The following TLL1 variants were observed in gnomAD, a reference collection of about 807,000 sequenced individuals.
TLL1 encodes the protein tolloid-like protein 1.
A neutral mutation model predicts 128.2 loss-of-function variants in TLL1; 49 were observed. The ratio of observed to expected loss-of-function variants is 0.38; its 90% CI spans 0.30 to 0.48. TLL1 has a LOEUF of 0.48. Among genes scored for constraint, TLL1 ranks in the 20% least tolerant of loss-of-function variants. The pLI is 0.96. For missense variants in TLL1, 1,123 were observed against 1,242.0 expected (o/e 0.90, Z 1.44); for synonymous variants, 454 against 418.8 (o/e 1.08, Z -1.03).
At chr4:165,960,865 C>T (rs1323062795) in intron 1 of TLL1, among the ~76,000 whole-genome samples, 1 of 151,980 alleles carries the variant, frequency 6.6e-6, no homozygotes, top group Non-Finnish European at 1.5e-5. Flanking sequence ...ACTGAACAGG[C>T]CATACTGAAC....
At chr4:166,098,365 C>T (rs1027904452) in intron 19 of TLL1, among the ~76,000 whole-genome samples, 18 of 140,166 alleles carry the variant, frequency 1.3e-4, no homozygotes, top group African/African-American at 4.7e-4. Flanking sequence ...AGCTTTGGGG[C>T]TCTGACTACA....
chr4:166,064,204 G>A (rs1015131581), intron 15 of TLL1, among the ~76,000 whole-genome samples: 1 of 151,858 alleles, frequency 6.6e-6, no homozygotes, highest in African/African-American at 2.4e-5. Flanking sequence ...TTTTTAGAGA[G>A]GTTTTTCTTT....
chr4:166,018,020 C>T (rs77280442), intron 8 of TLL1, among the ~76,000 whole-genome samples: 2,371 of 152,194 alleles, frequency 0.016, 67 homozygotes, highest in African/African-American at 0.053. Context: ...TAGGGTGACT[C>T]ATCTGTGAAC....
rs761482345 is a variant in TLL1 at position 166,003,538 on chromosome 4, C to T, written c.780C>T (p.His260=). The change falls in exon 6 of 21, where the codon CAC becomes CAT. Residue 260 remains histidine (H), a synonymous_variant. Transcript: ENST00000061240. ...ACACAAGACCAGATCGAGATAACCA[C>T]GTAACTATCATAAGAGAAAACATCC... is the stretch of plus-strand genomic sequence containing the variant. The part of the protein sequence containing the change: ...HEHTRPDRDN[H]VTIIRENIQP... 9.9e-6 allele frequency: 16 copies of T among 1,613,824 alleles called. No homozygotes were observed. Among genetic ancestry groups the T allele is most frequent in the African/African-American group, 2.7e-5 (2 of 74,892 alleles).
chr4:165,959,749 A>G (rs1412806936), intron 1 of TLL1, among the ~76,000 whole-genome samples: 3 of 152,182 alleles, frequency 2.0e-5, no homozygotes, highest in Non-Finnish European at 4.4e-5. Flanking sequence ...GACTTGGATG[A>G]AACACACAAT....
At chr4:166,087,666 T>A (rs1218798303) in intron 18 of TLL1, among the ~76,000 whole-genome samples, 1 of 152,168 alleles carries the variant, frequency 6.6e-6, no homozygotes, top group Admixed American at 6.6e-5. Context: ...TTTGTGAATA[T>A]ATGCAGTTAC....
intron 17 of TLL1, among the ~76,000 whole-genome samples, chr4:166,076,842 A>C (rs764450081): frequency 2.0e-5 from 3 of 152,172 alleles, no homozygotes; most frequent in Non-Finnish European, 2.9e-5. Context: ...TTGCAAATAC[A>C]AATCTCCCTG....
rs952487225 is a variant in TLL1, at chr4:165,878,975, C to G, written c.169+4902C>G. 1.3e-4 allele frequency among the ~76,000 whole-genome samples: 17 copies of G among 129,382 alleles called. No individual in the cohort carries two copies. In the Admixed American group the frequency reaches 1.5e-3, roughly 11 times the overall value. The allele number at this position is 129,382 out of a possible 152,430, so 84.9% of individuals were successfully genotyped here. ...CTGAGACAGGACCTCACTCTGTCACCAGGCTGGAGTGCAGTGGCACAATCT... is the reference window on the plus strand; with the variant it reads ...CTGAGACAGGACCTCACTCTGTCACGAGGCTGGAGTGCAGTGGCACAATCT... On this transcript the variant is annotated intron_variant, in intron 1 of 20. Transcript: ENST00000061240.
intron 1 of TLL1, among the ~76,000 whole-genome samples, chr4:165,967,378 A>C (rs543671562): frequency 6.6e-5 from 10 of 152,350 alleles, no homozygotes; most frequent in African/African-American, 2.2e-4. Context: ...AGGCCTAGGA[A>C]ATTATAAGAG....
chr4:166,066,684 G>A lies in TLL1; in HGVS notation c.2188+821G>A, dbSNP rs758381309. Reference sequence around the variant, plus strand: ...AATTAATGAGATTTACAATGTCTAGGGTTTGTTTGGGGTTTTCAGTATAAT... The same window carrying A: ...AATTAATGAGATTTACAATGTCTAGAGTTTGTTTGGGGTTTTCAGTATAAT... On this transcript the variant is annotated intron_variant, in intron 16 of 20. Coordinates refer to ENST00000061240, the MANE Select transcript of TLL1 (RefSeq NM_012464.5). 2.6e-5 allele frequency among the ~76,000 whole-genome samples: 4 copies of A among 151,730 alleles called. No homozygotes were observed. The South Asian group carries it at 8.3e-4, about 31-fold the overall frequency.
intron 1 of TLL1, among the ~76,000 whole-genome samples, chr4:165,955,510 G>A (rs1734742059): frequency 6.6e-6 from 1 of 151,920 alleles, no homozygotes; most frequent in African/African-American, 2.4e-5. Flanking sequence ...CAAGGTCAAT[G>A]AGAAAGAAAA....
At chr4:166,062,535 A>T (rs1306792245) in intron 15 of TLL1, among the ~76,000 whole-genome samples, 9 of 152,156 alleles carry the variant, frequency 5.9e-5, no homozygotes, top group Non-Finnish European at 1.2e-4. Context: ...TTATTGGTGT[A>T]TAGAAATGCT....
At chr4:165,940,648 T>A (rs776910679) in intron 1 of TLL1, among the ~76,000 whole-genome samples, 1 of 152,050 alleles carries the variant, frequency 6.6e-6, no homozygotes, top group Non-Finnish European at 1.5e-5. Context: ...TATGCACATA[T>A]GCAAAGTAGA....
chr4:166,037,101 T>C (rs1402069065), intron 9 of TLL1, among the ~76,000 whole-genome samples: 2 of 152,102 alleles, frequency 1.3e-5, no homozygotes, highest in Non-Finnish European at 2.9e-5. Flanking sequence ...TCATATAGAG[T>C]TGAAACCTTG....
intron 1 of TLL1, among the ~76,000 whole-genome samples, chr4:165,890,217 G>A (rs1043755664): frequency 1.3e-5 from 2 of 152,040 alleles, no homozygotes; most frequent in East Asian, 1.9e-4. Flanking sequence ...TGACATGTGG[G>A]GATTATGAGA....
intron 1 of TLL1, among the ~76,000 whole-genome samples, chr4:165,915,979 A>G (rs1435208288): frequency 6.6e-6 from 1 of 152,244 alleles, no homozygotes; most frequent in Non-Finnish European, 1.5e-5. Context: ...CATAATAAAC[A>G]AATAATTAAA....
rs751112414 is a variant in TLL1, at chr4:166,007,987, T to C, written c.856T>C (p.Ser286Pro). 6.2e-7 allele frequency: 1 copy of C among 1,609,936 alleles called. No homozygotes were observed. The highest frequency in any genetic ancestry group is 1.7e-5 in the Admixed American group (1 of 59,784). ...GAAGATGGAGCCTGGAGAAGTAAAC[T>C]CACTTGGAGAAAGATATGATTTCGA... ...FLKMEPGEVNSLGERYDFDSI... is the reference protein window; with the variant it reads ...FLKMEPGEVNPLGERYDFDSI... The change falls in exon 7 of 21, where the codon TCA becomes CCA. Residue 286 changes from serine to proline, a missense_variant. This residue lies in a region of TLL1 where 480 missense variants were observed against 542.4 expected (regional missense o/e 0.89). Coordinates refer to ENST00000061240, the MANE Select transcript of TLL1 (RefSeq NM_012464.5).
intron 8 of TLL1, among the ~76,000 whole-genome samples, chr4:166,023,226 C>T (rs1259188623): frequency 6.6e-6 from 1 of 152,110 alleles, no homozygotes; most frequent in Non-Finnish European, 1.5e-5. Flanking sequence ...TGGTGAAACC[C>T]CCATCTCTAC....
chr4:166,056,400 A>G (rs770293487), intron 13 of TLL1, among the ~76,000 whole-genome samples: 9 of 151,390 alleles, frequency 5.9e-5, no homozygotes, highest in Non-Finnish European at 1.3e-4. Flanking sequence ...TATTGTATAT[A>G]TATACTTTAT....
Sources: gnomAD v4.1 joint callset for allele counts (sites outside exome capture counted in the v4.1 genomes callset) on GRCh38, gnomAD v4.1.1 for gene constraint, gnomAD v4.1.1 regional missense constraint, MANE v1.5 for transcripts, NCBI Gene and HGNC (gene_info 2026-07-23, HGNC 2026-07-21) for gene names.